Variants in UNC5C observed in about 807,000 individuals in gnomAD.
The protein encoded by UNC5C is netrin receptor UNC5C.
A neutral mutation model predicts 99.8 loss-of-function variants in UNC5C; 47 were observed. The observed-to-expected ratio is 0.47, with a 90% confidence interval of 0.37 to 0.60. The LOEUF is 0.60. Among genes scored for constraint, UNC5C ranks in the 20% least tolerant of loss-of-function variants. UNC5C has a pLI of 0.00. For synonymous variants in UNC5C, 487 were observed against 452.2 expected, an observed-to-expected ratio of 1.08 and a Z score of -0.98; for missense variants, 1,062 against 1,165.9, an observed-to-expected ratio of 0.91 and a Z score of 1.30.
chr4:95,314,058 T>C (rs185173617), intron 2 of UNC5C, among the ~76,000 whole-genome samples: 1 of 152,212 alleles, frequency 6.6e-6, no homozygotes, highest in Non-Finnish European at 1.5e-5. Flanking sequence ...ATGTACTGCA[T>C]CATAATTATC....
intron 14 of UNC5C, among the ~76,000 whole-genome samples, chr4:95,174,969 G>T (rs896875090): frequency 6.8e-4 from 103 of 151,498 alleles, no homozygotes; most frequent in Admixed American, 1.1e-3. Context: ...AACTCTTCTT[G>T]TTGAATTGAT....
At chr4:95,313,616 A>G (rs1742359272) in intron 2 of UNC5C, among the ~76,000 whole-genome samples, 2 of 152,158 alleles carry the variant, frequency 1.3e-5, no homozygotes, top group African/African-American at 4.8e-5. Context: ...AAATGATTTG[A>G]AAACAAGCAT....
intron 1 of UNC5C, among the ~76,000 whole-genome samples, chr4:95,391,131 C>T (rs1483742): frequency 0.58 from 88,189 of 152,026 alleles, 25,927 homozygotes; most frequent in East Asian, 0.71. Context: ...TCCTTCTTCA[C>T]CTTCTGCCAT....
chr4:95,235,521 C>T (rs1278095539), intron 7 of UNC5C, among the ~76,000 whole-genome samples: 2 of 152,250 alleles, frequency 1.3e-5, no homozygotes, highest in South Asian at 2.1e-4. Flanking sequence ...GCTTTTGTTG[C>T]CATTGCTTTT....
intron 1 of UNC5C, among the ~76,000 whole-genome samples, chr4:95,482,989 C>A (rs1378012476): frequency 8.3e-6 from 1 of 121,090 alleles, no homozygotes; most frequent in African/African-American, 3.3e-5. Context: ...TGCACATGTA[C>A]CCTAAAACTT....
intron 2 of UNC5C, among the ~76,000 whole-genome samples, chr4:95,310,571 A>G (rs138987967): frequency 0.013 from 2,041 of 152,288 alleles, 44 homozygotes; most frequent in African/African-American, 0.046. Flanking sequence ...CTGTTAATAA[A>G]TGTAGAAGGC....
At chr4:95,244,603 A>G (rs1051769112) in intron 6 of UNC5C, among the ~76,000 whole-genome samples, 4 of 152,198 alleles carry the variant, frequency 2.6e-5, no homozygotes, top group Non-Finnish European at 4.4e-5. Context: ...TTTCAGTTCC[A>G]ATTAATTTCT....
intron 3 of UNC5C, among the ~76,000 whole-genome samples, chr4:95,293,122 G>T (rs1228789156): frequency 6.6e-6 from 1 of 151,948 alleles, no homozygotes; most frequent in Non-Finnish European, 1.5e-5. Flanking sequence ...TTAGACTTGG[G>T]GTAAGAATGT....
intron 3 of UNC5C, among the ~76,000 whole-genome samples, chr4:95,282,519 A>G (rs1741095451): frequency 6.6e-6 from 1 of 152,242 alleles, no homozygotes; most frequent in Non-Finnish European, 1.5e-5. Context: ...GACAAATTTT[A>G]TTTAACATGT....
At chr4:95,415,359 AAAAAC>A (rs942432586) in intron 1 of UNC5C, among the ~76,000 whole-genome samples, 5 of 152,112 alleles carry the variant, frequency 3.3e-5, no homozygotes, top group Non-Finnish European at 7.4e-5. Context: ...TTGTTAAAAA[AAAAAC>A]AAAACAAAAC....
intron 2 of UNC5C, among the ~76,000 whole-genome samples, chr4:95,312,065 CA>C (rs1272834800): frequency 6.6e-6 from 1 of 150,442 alleles, no homozygotes; most frequent in Non-Finnish European, 1.5e-5. Context: ...AACAAACAAA[CA>C]AAAACAACAA....
chr4:95,508,077 T>C (rs1721971722), intron 1 of UNC5C, among the ~76,000 whole-genome samples: 1 of 152,052 alleles, frequency 6.6e-6, no homozygotes, highest in Non-Finnish European at 1.5e-5. Context: ...TCCAGTCTTC[T>C]GCTTCTTGGA....
At chr4:95,185,445 T>G (rs1326306909) in intron 12 of UNC5C, among the ~76,000 whole-genome samples, 1 of 152,148 alleles carries the variant, frequency 6.6e-6, no homozygotes, top group Admixed American at 6.5e-5. Flanking sequence ...TGAGGAGCAA[T>G]TTCATACAGT....
At chr4:95,509,389 C>G (rs1357410159) in intron 1 of UNC5C, among the ~76,000 whole-genome samples, 1 of 151,734 alleles carries the variant, frequency 6.6e-6, no homozygotes, top group Non-Finnish European at 1.5e-5. Flanking sequence ...CCCTCAACTC[C>G]TAATTTCTAG....
chr4:95,176,946 G>GTGCCGTTGTT (rs1485798207), intron 14 of UNC5C, among the ~76,000 whole-genome samples: 1 of 152,140 alleles, frequency 6.6e-6, no homozygotes, highest in African/African-American at 2.4e-5. Context: ...ATCTCCTGGT[G>GTGCCGTTGTT]TGCCGTTTTT....
intron 2 of UNC5C, among the ~76,000 whole-genome samples, chr4:95,305,139 G>A (rs1204239749): frequency 2.6e-5 from 4 of 152,208 alleles, no homozygotes; most frequent in Non-Finnish European, 5.9e-5. Flanking sequence ...GAGCTGAGTT[G>A]TGTACAGTTG....
chr4:95,300,282 G>A (rs563774034), intron 3 of UNC5C, among the ~76,000 whole-genome samples: 91 of 152,274 alleles, frequency 6.0e-4, no homozygotes, highest in African/African-American at 1.8e-3. Context: ...CTTCTCCCTC[G>A]TGGTGATAAC....
intron 1 of UNC5C, among the ~76,000 whole-genome samples, chr4:95,393,082 G>A (rs1389556425): frequency 6.6e-6 from 1 of 152,100 alleles, no homozygotes; most frequent in Non-Finnish European, 1.5e-5. Flanking sequence ...TTCTACCCTT[G>A]GGGAAAGTAG....
chr4:95,237,659 C>T (rs1739169540), intron 7 of UNC5C, among the ~76,000 whole-genome samples: 3 of 152,070 alleles, frequency 2.0e-5, no homozygotes, highest in African/African-American at 4.8e-5. Flanking sequence ...CAAAAATGAT[C>T]TCTAATATAT....
Sources: gnomAD v4.1 joint callset for allele counts (sites outside exome capture counted in the v4.1 genomes callset) on GRCh38, gnomAD v4.1.1 for gene constraint, MANE v1.5 for transcripts, NCBI Gene and HGNC (gene_info 2026-07-23, HGNC 2026-07-21) for gene names.